The following ATRNL1 variants were observed in gnomAD, a reference collection of about 807,000 sequenced individuals.
ATRNL1 encodes the protein attractin-like protein 1.
Under a neutral mutation model 182.7 loss-of-function variants are expected in ATRNL1, and 95 were observed. The ratio of observed to expected loss-of-function variants is 0.52; its 90% CI spans 0.44 to 0.62. ATRNL1 has a LOEUF of 0.62. ATRNL1 is among the 20% of genes least tolerant of loss of function. ATRNL1 has a pLI of 0.00. For synonymous variants in ATRNL1, 576 were observed against 568.3 expected (o/e 1.01, Z -0.19); for missense variants, 1,471 against 1,679.5 (o/e 0.88, Z 2.17).
intron 8 of ATRNL1, among the ~76,000 whole-genome samples, chr10:115,184,725 T>C (rs1317941606): frequency 2.0e-5 from 3 of 151,424 alleles, no homozygotes; most frequent in African/African-American, 7.3e-5. Context: ...AACAATTAAA[T>C]AAAAAAGGAA....
chr10:115,110,668 T>C (rs1325470432), intron 1 of ATRNL1, among the ~76,000 whole-genome samples: 1 of 152,168 alleles, frequency 6.6e-6, no homozygotes, highest in Non-Finnish European at 1.5e-5. Flanking sequence ...TTACCAGCAG[T>C]AAAAACAAAT....
chr10:115,539,194 A>T (rs1206574085), intron 25 of ATRNL1, among the ~76,000 whole-genome samples: 1 of 152,110 alleles, frequency 6.6e-6, no homozygotes, highest in African/African-American at 2.4e-5. Context: ...TTTTTTGTTT[A>T]TGTTGAGGTG....
At chr10:115,549,581 A>C in intron 26 of ATRNL1, 45 bp downstream of exon 26, 1 of 1,371,370 alleles carries the variant, frequency 7.3e-7, no homozygotes, top group East Asian at 2.5e-5. Context: ...ATTTAAGCAA[A>C]TATATGGATC....
chr10:115,917,469 C>A (rs1419721450), intron 28 of ATRNL1, among the ~76,000 whole-genome samples: 228 of 95,296 alleles, frequency 2.4e-3, no homozygotes, highest in African/African-American at 4.4e-3. Context: ...GACTCTGTCT[C>A]AAAAAAAAAA....
chr10:115,246,204 CTG>C (rs1238722862), intron 10 of ATRNL1, among the ~76,000 whole-genome samples: 3 of 152,058 alleles, frequency 2.0e-5, no homozygotes, highest in African/African-American at 7.2e-5. Flanking sequence ...GAAGAAGACA[CTG>C]TGATTTACCA....
intron 15 of ATRNL1, among the ~76,000 whole-genome samples, chr10:115,290,056 T>C (rs2133948138): frequency 7.1e-6 from 1 of 140,896 alleles, no homozygotes; most frequent in East Asian, 2.2e-4. Context: ...TTCAATTTCT[T>C]TAATCAGTGT....
At chr10:115,094,988 T>C (rs909299722) in intron 1 of ATRNL1, among the ~76,000 whole-genome samples, 4 of 152,184 alleles carry the variant, frequency 2.6e-5, no homozygotes, top group Non-Finnish European at 2.9e-5. Context: ...TCAAGGAGCC[T>C]AAGAAGTTTG....
chr10:115,509,978 C>A (rs1420666600), intron 24 of ATRNL1, among the ~76,000 whole-genome samples: 1 of 151,896 alleles, frequency 6.6e-6, no homozygotes, highest in Non-Finnish European at 1.5e-5. Context: ...GATTCCCACC[C>A]TCATAGATGA....
intron 20 of ATRNL1, among the ~76,000 whole-genome samples, chr10:115,414,869 A>AT (rs1337176527): frequency 6.6e-6 from 1 of 151,658 alleles, no homozygotes; most frequent in Non-Finnish European, 1.5e-5. Flanking sequence ...AAAAATGTTC[A>AT]TTTTTTTGTT....
intron 26 of ATRNL1, among the ~76,000 whole-genome samples, chr10:115,580,836 T>C (rs1269881846): frequency 6.6e-6 from 1 of 152,156 alleles, no homozygotes; most frequent in African/African-American, 2.4e-5. Flanking sequence ...AATAGAGTCC[T>C]CTATTGATTT....
chr10:115,829,898 C>G (rs1252560398), intron 27 of ATRNL1, among the ~76,000 whole-genome samples: 1 of 152,172 alleles, frequency 6.6e-6, no homozygotes, highest in Non-Finnish European at 1.5e-5. Flanking sequence ...TTTTACATGA[C>G]TAATTTTAAT....
intron 1 of ATRNL1, chr10:115,096,906 A>G: frequency 4.2e-6 from 3 of 706,614 alleles, no homozygotes; most frequent in Non-Finnish European, 5.5e-6. Flanking sequence ...TGAGAATAGG[A>G]AAATATATTT....
intron 20 of ATRNL1, among the ~76,000 whole-genome samples, chr10:115,409,161 T>C (rs1845009598): frequency 6.6e-6 from 1 of 152,220 alleles, no homozygotes; most frequent in Non-Finnish European, 1.5e-5. Flanking sequence ...TAGCTTTGTG[T>C]AATATGGCCA....
At chr10:115,120,017 G>A (rs1228462367) in intron 1 of ATRNL1, among the ~76,000 whole-genome samples, 168 bp from the exon 2 acceptor site, 1 of 152,012 alleles carries the variant, frequency 6.6e-6, no homozygotes, top group Non-Finnish European at 1.5e-5. Context: ...GAGATGCAGA[G>A]AAAAATACAG....
At chr10:115,781,724 C>A (rs1476487183) in intron 27 of ATRNL1, among the ~76,000 whole-genome samples, 1 of 152,100 alleles carries the variant, frequency 6.6e-6, no homozygotes, top group Non-Finnish European at 1.5e-5. Flanking sequence ...TTATTTTTCT[C>A]CTTTAATATG....
intron 1 of ATRNL1, among the ~76,000 whole-genome samples, chr10:115,109,093 C>G (rs1421387411): frequency 1.3e-5 from 2 of 152,192 alleles, no homozygotes; most frequent in Non-Finnish European, 2.9e-5. Context: ...CCCTGCAGTT[C>G]TCTTCTGAGC....
chr10:115,111,780 T>C (rs1844267806), intron 1 of ATRNL1, among the ~76,000 whole-genome samples: 1 of 152,166 alleles, frequency 6.6e-6, no homozygotes. Context: ...CAAAGTCAGA[T>C]AGATAATGGT....
chr10:115,635,654 C>T (rs1453324042), intron 26 of ATRNL1, among the ~76,000 whole-genome samples: 2 of 152,098 alleles, frequency 1.3e-5, no homozygotes, highest in African/African-American at 4.8e-5. Flanking sequence ...GTAATGCAAA[C>T]ATAAGTTTGC....
At chr10:115,757,924 T>G (rs1948632789) in intron 27 of ATRNL1, among the ~76,000 whole-genome samples, 1 of 151,854 alleles carries the variant, frequency 6.6e-6, no homozygotes, top group South Asian at 2.1e-4. Flanking sequence ...CTTCAGTCTC[T>G]GATATCCTTT....
Sources: allele counts gnomAD v4.1 joint callset (sites outside exome capture counted in the v4.1 genomes callset), GRCh38; gene constraint gnomAD v4.1.1; transcripts MANE v1.5; gene names NCBI Gene and HGNC (gene_info 2026-07-23, HGNC 2026-07-21).